Variants in LRPAP1 observed in about 807,000 individuals in gnomAD.
LRPAP1 encodes the protein LDL receptor related protein associated protein 1.
In LRPAP1, 41 loss-of-function variants were observed where a neutral mutation model predicts 39.9. The observed-to-expected ratio is 1.03, with a 90% CI of 0.80 to 1.33. The LOEUF (loss-of-function observed/expected upper bound fraction) is 1.33, where lower values mean the gene tolerates loss of function less well. LRPAP1 is among the 40% of genes most tolerant of loss of function. The probability of loss-of-function intolerance (pLI) is 0.00; values close to 1 mark genes in which losing one functional copy is unlikely to be tolerated. For synonymous variants in LRPAP1, 263 were observed against 212.7 expected, an observed-to-expected ratio of 1.24 and a Z score of -2.06; for missense variants, 565 against 482.3, an observed-to-expected ratio of 1.17 and a Z score of -1.61.
chr4:3,518,238 C>T (rs1444242646), intron 4 of LRPAP1, 46 bp from the exon 5 acceptor site: 1 of 1,574,404 alleles, frequency 6.4e-7, no homozygotes, highest in Admixed American at 1.7e-5. Flanking sequence ...AGTCCTCGCA[C>T]TGCCTGCCCA....
intron 2 of LRPAP1, 36 bp downstream of exon 2, chr4:3,524,871 G>A: frequency 6.2e-7 from 1 of 1,606,576 alleles, no homozygotes. Flanking sequence ...TAGGAAGAGG[G>A]ATACTCGACC....
rs1729283755 is a variant in LRPAP1, at chr4:3,504,143, G to A, written c.*8831C>T. 1 of 152,314 alleles carries A rather than the reference G, an allele frequency of 6.6e-6. No homozygotes were observed. Among genetic ancestry groups the A allele is most frequent in the Admixed American group, 6.5e-5 (1 of 15,292 alleles). 9.4% of individuals were successfully genotyped at this position (152,314 alleles called of 1,614,324 possible). ...CCCCCTCGCCCTATCCTGAATGTGA[G>A]CGGGGAAAGTGCTCACCTGGCAAGA... On this transcript the variant is annotated 3_prime_UTR_variant, in exon 8 of 8. Transcript: ENST00000650182.
At chr4:3,525,093 G>A (rs767602565) in intron 1 of LRPAP1, 42 bp from the exon 2 acceptor site, 26 of 1,610,362 alleles carry the variant, frequency 1.6e-5, no homozygotes, top group Admixed American at 1.2e-4. Context: ...CGAGCAGGAC[G>A]GACCAGGACA....
At chr4:3,530,110 C>T (rs926615802) in intron 1 of LRPAP1, among the ~76,000 whole-genome samples, 6 of 152,186 alleles carry the variant, frequency 3.9e-5, no homozygotes, top group East Asian at 1.9e-4. Flanking sequence ...ACTATTTGCA[C>T]GAACAATTCT....
rs1424017053 is a variant in LRPAP1 at position 3,517,873 on chromosome 4, G to A, written c.751+161C>T. 5.1e-6 allele frequency: 4 copies of A among 776,968 alleles called. No homozygotes were observed. The East Asian group carries it at 1.2e-4, about 24-fold the overall frequency. 48.1% of individuals were successfully genotyped at this position (776,968 alleles called of 1,614,324 possible). On this transcript the variant is annotated intron_variant, in intron 5 of 7. Coordinates refer to ENST00000650182, the MANE Select transcript of LRPAP1 (RefSeq NM_002337.4). Reference sequence around the variant, plus strand: ...CCTTCACGGAGCAGCTCCTGGGAGCGAGGCCTGTGACCACCCGTGGGTAGA... The same window carrying A: ...CCTTCACGGAGCAGCTCCTGGGAGCAAGGCCTGTGACCACCCGTGGGTAGA...
intron 2 of LRPAP1, among the ~76,000 whole-genome samples, chr4:3,524,564 G>GC (rs922171382): frequency 5.3e-5 from 8 of 152,182 alleles, no homozygotes; most frequent in Non-Finnish European, 4.4e-5. Context: ...TCGGAGGATA[G>GC]CCCCCCGCAG....
chr4:3,522,843 C>G (rs375597200), intron 2 of LRPAP1, among the ~76,000 whole-genome samples: 3 of 152,100 alleles, frequency 2.0e-5, no homozygotes, highest in Non-Finnish European at 4.4e-5. Context: ...GAGCGTGGCC[C>G]GTCTGTCTCA....
rs1298959227 is a variant in LRPAP1 at position 3,505,317 on chromosome 4, C to T, written c.*7657G>A. 6.6e-6 allele frequency among the ~76,000 whole-genome samples: 1 copy of T among 152,214 alleles called. No individual in the cohort carries two copies. The highest frequency in any genetic ancestry group is 6.5e-5 in the Admixed American group (1 of 15,294). ...GCACTGGAGCCCAATGCAGGGTGAC[C>T]CCTTCCCCCCAGCTCCAAATCCAGC... On this transcript the variant is annotated 3_prime_UTR_variant, in exon 8 of 8. Transcript: ENST00000650182.
chr4:3,525,089 G>A, intron 1 of LRPAP1, 38 bp from the exon 2 acceptor site: 1 of 1,610,718 alleles, frequency 6.2e-7, no homozygotes, highest in Non-Finnish European at 8.5e-7. Flanking sequence ...GCCACGAGCA[G>A]GACGGACCAG....
At chr4:3,532,071 T>A in intron 1 of LRPAP1, 138 bp downstream of exon 1, 1 of 957,658 alleles carries the variant, frequency 1.0e-6, no homozygotes, top group Non-Finnish European at 1.5e-6. Flanking sequence ...GGGGAGGCTG[T>A]GCCAAGGACA....
chr4:3,527,632 G>A (rs1222537843), intron 1 of LRPAP1, among the ~76,000 whole-genome samples: 1 of 152,228 alleles, frequency 6.6e-6, no homozygotes, highest in Non-Finnish European at 1.5e-5. Flanking sequence ...GGCAATTCAG[G>A]CCCATGCTCT....
chr4:3,518,306 T>C, intron 4 of LRPAP1, 114 bp from the exon 5 acceptor site: 1 of 1,165,622 alleles, frequency 8.6e-7, no homozygotes. Context: ...ATTTCTGGGC[T>C]GAAAATGTCC....
In LRPAP1 at chr4:3,518,014, A is replaced by G. The variant is rs755820410; in HGVS notation, c.751+20T>C. ...GACGGCCCCACCCTCGGGAACCAAC[A>G]GTCCCGGGCGGGCACTCACCAGCCT... On this transcript the variant is annotated intron_variant, in intron 5 of 7. Transcript: ENST00000650182. 1.3e-6 allele frequency: 2 copies of G among 1,577,972 alleles called. No homozygotes were observed. The highest frequency in any genetic ancestry group is 3.6e-5 in the Admixed American group (2 of 56,062).
At position 3,505,761 on chromosome 4, in the gene LRPAP1, C is replaced by T. The variant is rs562081057; in HGVS notation, c.*7213G>A. 6.6e-6 allele frequency among the ~76,000 whole-genome samples: 1 copy of T among 152,344 alleles called. No individual in the cohort carries two copies. Among genetic ancestry groups the T allele is most frequent in the Admixed American group, 6.5e-5 (1 of 15,304 alleles). On this transcript the variant is annotated 3_prime_UTR_variant, in exon 8 of 8. Transcript: ENST00000650182. ...CCAGCTACCCCAAGACCGTCTATAC[C>T]ACCACCCTGGATTACAACTCGGCAA...
intron 5 of LRPAP1, 76 bp from the exon 6 acceptor site, chr4:3,516,274 G>T: frequency 1.8e-6 from 2 of 1,126,106 alleles, no homozygotes; most frequent in Non-Finnish European, 2.6e-6. Context: ...CAACCACGCT[G>T]AGTGTGCGTG....
intron 1 of LRPAP1, among the ~76,000 whole-genome samples, chr4:3,526,974 A>C (rs111845767): frequency 3.3e-5 from 5 of 152,220 alleles, no homozygotes; most frequent in African/African-American, 9.6e-5. Context: ...AATGGTAAAA[A>C]GATAGCAAAC....
At chr4:3,516,020 G>A (rs2108688512) in intron 6 of LRPAP1, 96 bp downstream of exon 6, 1 of 1,176,236 alleles carries the variant, frequency 8.5e-7, no homozygotes, top group Non-Finnish European at 1.2e-6. Context: ...TTGAGAGAGA[G>A]AGCTTGGAGG....
chr4:3,521,723 C>T (rs1309428181), intron 2 of LRPAP1, among the ~76,000 whole-genome samples: 1 of 152,256 alleles, frequency 6.6e-6, no homozygotes, highest in East Asian at 1.9e-4. Context: ...CTGAGGAAAG[C>T]CGTCTCTCCT....
At position 3,507,699 on chromosome 4, in the gene LRPAP1, G is replaced by A. The variant is rs1315031980; in HGVS notation, c.*5275C>T. 1.3e-5 allele frequency: 2 copies of A among 151,652 alleles called. No individual in the cohort carries two copies. Among genetic ancestry groups the A allele is most frequent in the Admixed American group, 1.3e-4 (2 of 15,226 alleles). 9.4% of individuals were successfully genotyped at this position (151,652 alleles called of 1,614,324 possible). A position where few individuals can be genotyped will look rare whatever the true frequency, so the allele number is the denominator to read the frequency against. ...GGACAGCAAATTGAACACAAAATAG[G>A]TAGAAGAAAGGAAATTCATAAGAAA... On this transcript the variant is annotated 3_prime_UTR_variant, in exon 8 of 8. Transcript: ENST00000650182.
Sources: allele counts gnomAD v4.1 joint callset (sites outside exome capture counted in the v4.1 genomes callset), GRCh38; gene constraint gnomAD v4.1.1; transcripts MANE v1.5; gene names NCBI Gene and HGNC (gene_info 2026-07-23, HGNC 2026-07-21).